The following LDLRAP1 variants were observed in gnomAD, a reference collection of about 807,000 sequenced individuals.
LDLRAP1 encodes the protein low density lipoprotein receptor adaptor protein 1, also known as low density lipoprotein receptor adapter protein 1.
LDLRAP1 carries 30 observed loss-of-function variants against 37.8 expected under a neutral mutation model. The ratio of observed to expected loss-of-function variants is 0.79; its 90% CI spans 0.59 to 1.08. The LOEUF is 1.08. Ranked by LOEUF, LDLRAP1 falls within the 50% of genes least tolerant of loss-of-function variation. LDLRAP1 has a pLI of 0.00. For missense variants in LDLRAP1, 375 were observed against 401.6 expected (o/e 0.93, Z 0.57); for synonymous variants, 156 against 169.8 (o/e 0.92, Z 0.63).
In LDLRAP1 at chr1:25,555,417, T is replaced by C. The variant is rs1156264505; in HGVS notation, c.344+445T>C. Among the ~76,000 whole-genome samples the C allele has an allele frequency of 6.6e-6, 1 of 152,150 alleles. No individual in the cohort carries two copies. The highest frequency in any genetic ancestry group is 2.4e-5 in the African/African-American group (1 of 41,434). On this transcript the variant is annotated intron_variant, in intron 3 of 8. Transcript: ENST00000374338. The surrounding 1 kb of genome is among the most constrained non-coding windows in gnomAD (Gnocchi z 4.7). The stretch of plus-strand genomic sequence containing the variant: ...CTGAAGTCAGAGTATAGATGGTCTC[T>C]CTAGTGGGTCCTCTGGTCAGCCCTT...
At chr1:25,557,292 G>A (rs2044227480) in intron 4 of LDLRAP1, 25 bp downstream of exon 4, 2 of 1,574,760 alleles carry the variant, frequency 1.3e-6, no homozygotes, top group Admixed American at 1.7e-5. Flanking sequence ...CTGGGGCGGG[G>A]ACAGGGTCCA....
At chr1:25,578,672 G>A in the LDLRAP1 span, among the ~76,000 whole-genome samples, 1 of 152,052 alleles carries the variant, frequency 6.6e-6, no homozygotes, top group Non-Finnish European at 1.5e-5. Context: ...ACATGCCACT[G>A]CACCTGGCTA....
the LDLRAP1 span, among the ~76,000 whole-genome samples, chr1:25,575,161 C>G: frequency 2.2e-4 from 33 of 152,158 alleles, no homozygotes; most frequent in African/African-American, 7.5e-4. Flanking sequence ...GGTGGGAAGA[C>G]TGTATGATGT....
chr1:25,582,908 C>A, the LDLRAP1 span, among the ~76,000 whole-genome samples: 67 of 152,032 alleles, frequency 4.4e-4, 1 homozygote, highest in African/African-American at 1.3e-3. Flanking sequence ...CCCGTCTCTA[C>A]TAAAAATACT....
intron 5 of LDLRAP1, 120 bp from the exon 6 acceptor site, chr1:25,562,950 C>T (rs1572051990): frequency 1.1e-5 from 11 of 1,010,266 alleles, no homozygotes; most frequent in South Asian, 3.8e-5. Context: ...TCTTTCCTCC[C>T]GGCTGGAAAC....
In LDLRAP1 at chr1:25,543,703, A is replaced by G. The variant is rs2043856491; in HGVS notation, c.5A>G (p.Asp2Gly). Residue 2 changes from aspartate (D) to glycine (G), a missense_variant, in exon 1 of 9, where the codon GAC (aspartate) becomes GGC (glycine). Asp to Gly is a moderately conservative substitution (Grantham distance 94). Coordinates refer to ENST00000374338, the MANE Select transcript of LDLRAP1 (RefSeq NM_015627.3). M[D>G]ALKSAGRALI... ...CGGCGGCGGCCGGAGCGGGCCATGG[A>G]CGCGCTCAAGTCGGCGGGGCGGGCG... 8.2e-7 allele frequency: 1 copy of G among 1,215,228 alleles called. No homozygotes were observed. The highest frequency in any genetic ancestry group is 1.0e-6 in the Non-Finnish European group (1 of 977,532). The allele number at this position is 1,215,228 out of a possible 1,614,324, so 75.3% of individuals were successfully genotyped here.
At chr1:25,564,028 C>A in intron 7 of LDLRAP1, 1 of 584,380 alleles carries the variant, frequency 1.7e-6, no homozygotes, top group Non-Finnish European at 3.1e-6. Flanking sequence ...AATGCTTGGC[C>A]TCTTGGCCTG....
intron 8 of LDLRAP1, 88 bp downstream of exon 8, chr1:25,565,295 T>A (rs1028749722): frequency 2.8e-5 from 40 of 1,452,970 alleles, no homozygotes; most frequent in Non-Finnish European, 3.8e-5. Context: ...TTCCCCTGAT[T>A]AAGAACACAA....
chr1:25,559,429 A>G (rs887200198), intron 4 of LDLRAP1, among the ~76,000 whole-genome samples: 1 of 152,186 alleles, frequency 6.6e-6, no homozygotes, highest in Non-Finnish European at 1.5e-5. Context: ...CCCTCAGGCC[A>G]TGAGGTCAGT....
chr1:25,576,325 A>G, the LDLRAP1 span, among the ~76,000 whole-genome samples: 4 of 151,990 alleles, frequency 2.6e-5, no homozygotes, highest in South Asian at 8.3e-4. Flanking sequence ...TCGGGAGTTC[A>G]AGACCAGCCT....
Position 25,563,302 on chromosome 1 carries a change from A to G in LDLRAP1, c.616+149A>G, listed in dbSNP as rs952128943. ...AATAATACACGTTCATTACAGATCAATTAGAAAATGTAGATAAGGGGAAGA... is the reference window on the plus strand; with the variant it reads ...AATAATACACGTTCATTACAGATCAGTTAGAAAATGTAGATAAGGGGAAGA... On this transcript the variant is annotated intron_variant, in intron 6 of 8. Transcript: ENST00000374338. The G allele has an allele frequency of 7.7e-6, 5 of 653,048 alleles. No individual in the cohort carries two copies. The African/African-American group carries it at 9.2e-5, about 12-fold the overall frequency. 40.5% of individuals were successfully genotyped at this position (653,048 alleles called of 1,614,324 possible). A position where few individuals can be genotyped will look rare whatever the true frequency, so the allele number is the denominator to read the frequency against.
At chr1:25,585,826 A>G in the LDLRAP1 span, among the ~76,000 whole-genome samples, 3,484 of 152,274 alleles carry the variant, frequency 0.023, 154 homozygotes, top group African/African-American at 0.079. Context: ...CTCTGAGACA[A>G]AGGAGGCCTG....
At chr1:25,552,780 C>T (rs2044102840) in intron 1 of LDLRAP1, among the ~76,000 whole-genome samples, 1 of 152,164 alleles carries the variant, frequency 6.6e-6, no homozygotes, top group African/African-American at 2.4e-5. Context: ...CGTGGTGGGG[C>T]GCTCTTTCCA....
chr1:25,580,732 G>A, the LDLRAP1 span, among the ~76,000 whole-genome samples: 8 of 152,068 alleles, frequency 5.3e-5, no homozygotes, highest in Non-Finnish European at 8.8e-5. Context: ...GGCTGGTCTC[G>A]AACTCTTGGT....
the LDLRAP1 span, among the ~76,000 whole-genome samples, chr1:25,574,401 A>C: frequency 6.6e-6 from 1 of 152,224 alleles, no homozygotes; most frequent in Non-Finnish European, 1.5e-5. Flanking sequence ...CAAGCCCAAG[A>C]GAGAGCAACC....
rs1011895911 is a variant in LDLRAP1 at position 25,544,135 on chromosome 1, C to T, written c.88+349C>T. ...GCTGTCCTGGCCAGCTAGGGGGAGG[C>T]AGGCGCTCGTCGTCGGTGCCTAGGG... On this transcript the variant is annotated intron_variant, in intron 1 of 8. Coordinates refer to ENST00000374338, the MANE Select transcript of LDLRAP1 (RefSeq NM_015627.3). This position sits in a 1 kb window ranked among gnomAD's most constrained non-coding sequence, Gnocchi z 4.8. Among the ~76,000 whole-genome samples the T allele has an allele frequency of 6.6e-6, 1 of 152,118 alleles. No individual in the cohort carries two copies. Among genetic ancestry groups the T allele is most frequent in the African/African-American group, 2.4e-5 (1 of 41,452 alleles).
At chr1:25,545,647 A>G (rs1441892011) in intron 1 of LDLRAP1, among the ~76,000 whole-genome samples, 1 of 152,126 alleles carries the variant, frequency 6.6e-6, no homozygotes, top group Non-Finnish European at 1.5e-5. Flanking sequence ...CCCCTCCTCC[A>G]GGCCCTGGTA....
At position 25,553,889 on chromosome 1, in the gene LDLRAP1, C is replaced by T. The variant is rs1448935752; in HGVS notation, c.89-33C>T. ...GTTGCTGGTGGTGGGCCCTGAGCCG[C>T]AGGGTCTGAGGGCCTACCCTGTGCT... is the stretch of plus-strand genomic sequence containing the variant. On this transcript the variant is annotated intron_variant, in intron 1 of 8. Coordinates refer to ENST00000374338, the MANE Select transcript of LDLRAP1 (RefSeq NM_015627.3). 3 of 1,611,242 alleles carry T rather than the reference C, an allele frequency of 1.9e-6. No homozygotes were observed. In the South Asian group the frequency reaches 3.3e-5, roughly 18 times the overall value.
At chr1:25,552,987 C>T (rs1046580726) in intron 1 of LDLRAP1, among the ~76,000 whole-genome samples, 1 of 152,198 alleles carries the variant, frequency 6.6e-6, no homozygotes, top group Non-Finnish European at 1.5e-5. Flanking sequence ...GGGTGGGAAG[C>T]AGAGTGGGTC....
Sources: gnomAD v4.1 joint callset for allele counts (sites outside exome capture counted in the v4.1 genomes callset) on GRCh38, gnomAD v4.1.1 for gene constraint, Gnocchi (gnomAD v3.1) non-coding constraint, MANE v1.5 for transcripts, NCBI Gene and HGNC (gene_info 2026-07-23, HGNC 2026-07-21) for gene names.